The following MYO16 variants were observed in gnomAD, a reference collection of about 807,000 sequenced individuals.
The protein encoded by MYO16 is myosin XVI, also known as unconventional myosin-XVI.
In MYO16, 94 loss-of-function variants were observed where a neutral mutation model predicts 205.3. That is an observed-to-expected ratio of 0.46 (90% CI 0.39 to 0.54). The LOEUF (loss-of-function observed/expected upper bound fraction) is 0.54, where lower values mean the gene tolerates loss of function less well. Among genes scored for constraint, MYO16 ranks in the 20% least tolerant of loss-of-function variants. The probability of loss-of-function intolerance (pLI) is 0.00; values close to 1 mark genes in which losing one functional copy is unlikely to be tolerated. For synonymous variants in MYO16, 988 were observed against 954.0 expected, an observed-to-expected ratio of 1.04 and a Z score of -0.66; for missense variants, 2,315 against 2,387.5, an observed-to-expected ratio of 0.97 and a Z score of 0.63.
chr13:108,572,060 C>T, the MYO16 span, among the ~76,000 whole-genome samples: 1 of 151,870 alleles, frequency 6.6e-6, no homozygotes, highest in Admixed American at 6.6e-5. Context: ...GCTGGGACTA[C>T]AGGTGCATGC....
At chr13:109,053,507 C>T (rs1469941849) in intron 25 of MYO16, among the ~76,000 whole-genome samples, 5 of 151,822 alleles carry the variant, frequency 3.3e-5, no homozygotes, top group Admixed American at 3.3e-4. Context: ...CTTCCTGAAC[C>T]TTCTGGCCCC....
intron 28 of MYO16, among the ~76,000 whole-genome samples, chr13:109,111,849 G>A (rs993555331): frequency 2.0e-5 from 3 of 151,980 alleles, no homozygotes; most frequent in African/African-American, 4.8e-5. Flanking sequence ...ACCACGCCCG[G>A]CTAATTTTTT....
intron 32 of MYO16, among the ~76,000 whole-genome samples, chr13:109,144,707 T>G (rs1208351549): frequency 6.6e-6 from 1 of 152,252 alleles, no homozygotes; most frequent in East Asian, 1.9e-4. Context: ...AAAGTTCATT[T>G]TTTGTTCAAT....
the MYO16 span, among the ~76,000 whole-genome samples, chr13:108,588,782 G>A: frequency 4.6e-5 from 7 of 152,130 alleles, no homozygotes; most frequent in South Asian, 1.5e-3. Flanking sequence ...TTTTCCTCAG[G>A]TTGCATGATT....
At chr13:108,945,164 A>C (rs1882887087) in intron 16 of MYO16, among the ~76,000 whole-genome samples, 1 of 152,186 alleles carries the variant, frequency 6.6e-6, no homozygotes, top group South Asian at 2.1e-4. Context: ...AACATCTCTA[A>C]ATTAGAATAT....
At chr13:108,510,396 C>G in the MYO16 span, among the ~76,000 whole-genome samples, 11 of 140,282 alleles carry the variant, frequency 7.8e-5, no homozygotes, top group Non-Finnish European at 9.1e-5. Context: ...GGATTACAGG[C>G]GTGAGCCACC....
intron 31 of MYO16, among the ~76,000 whole-genome samples, chr13:109,128,768 G>GTTTTAGT (rs1232779988): frequency 0.013 from 1,551 of 115,030 alleles, 49 homozygotes; most frequent in African/African-American, 0.049. Context: ...CACTTTTTTA[G>GTTTTAGT]TTTTTTTTTT....
At chr13:109,149,858 A>G (rs564011706) in intron 32 of MYO16, among the ~76,000 whole-genome samples, 1 of 152,212 alleles carries the variant, frequency 6.6e-6, no homozygotes, top group African/African-American at 2.4e-5. Flanking sequence ...GTGTCTCCTC[A>G]CTTTCCGTTT....
At chr13:108,818,961 A>G (rs1329101055) in intron 7 of MYO16, among the ~76,000 whole-genome samples, 2 of 152,226 alleles carry the variant, frequency 1.3e-5, no homozygotes, top group African/African-American at 4.8e-5. Context: ...GCCTGGTAAT[A>G]AAGCTATTAA....
intron 6 of MYO16, among the ~76,000 whole-genome samples, chr13:108,803,353 A>G (rs1016334294): frequency 6.6e-6 from 1 of 152,226 alleles, no homozygotes; most frequent in African/African-American, 2.4e-5. Flanking sequence ...TATTAGAACT[A>G]TCTTTTATTT....
At position 108,688,036 on chromosome 13, in the gene MYO16, G is replaced by A. The variant is rs571877910; in HGVS notation, c.292+21887G>A. 8.5e-5 allele frequency among the ~76,000 whole-genome samples: 13 copies of A among 152,278 alleles called. No homozygotes were observed. The East Asian group carries it at 1.5e-3, about 18-fold the overall frequency. ...AGCAAAATAACTTTGAGTATCTGAA[G>A]CATTTGCCATGTAGAGTTTACTCTT... On this transcript the variant is annotated intron_variant, in intron 2 of 34. Transcript: ENST00000457511.
intron 2 of MYO16, among the ~76,000 whole-genome samples, chr13:108,708,565 C>T (rs891014772): frequency 1.3e-5 from 2 of 152,214 alleles, no homozygotes; most frequent in Non-Finnish European, 2.9e-5. Context: ...TTGTCCTTCC[C>T]TCTGTCTGGA....
chr13:108,832,827 G>T (rs1455968507), intron 9 of MYO16, among the ~76,000 whole-genome samples: 1 of 151,940 alleles, frequency 6.6e-6, no homozygotes, highest in Non-Finnish European at 1.5e-5. Context: ...AAAACATCAA[G>T]CCTTTTTAAT....
chr13:108,618,131 C>T (rs1308176312), intron 1 of MYO16, among the ~76,000 whole-genome samples: 1 of 152,164 alleles, frequency 6.6e-6, no homozygotes, highest in East Asian at 1.9e-4. Context: ...AAATAAGTTT[C>T]CTTGCTGTCC....
chr13:108,910,654 G>A (rs1881212471), intron 16 of MYO16, among the ~76,000 whole-genome samples: 1 of 152,190 alleles, frequency 6.6e-6, no homozygotes, highest in African/African-American at 2.4e-5. Context: ...GTGACAGGCT[G>A]TATAGACAGT....
intron 16 of MYO16, among the ~76,000 whole-genome samples, chr13:108,941,281 T>A (rs1472149636): frequency 6.6e-6 from 1 of 152,138 alleles, no homozygotes; most frequent in Non-Finnish European, 1.5e-5. Context: ...GGGAGTCAGT[T>A]TCAGGAGACA....
chr13:108,616,344 G>C (rs1879348681), intron 1 of MYO16, among the ~76,000 whole-genome samples: 1 of 152,164 alleles, frequency 6.6e-6, no homozygotes, highest in African/African-American at 2.4e-5. Flanking sequence ...AGAGCGAAAT[G>C]CAATGTTCTG....
At chr13:108,565,968 T>C in the MYO16 span, among the ~76,000 whole-genome samples, 1 of 152,134 alleles carries the variant, frequency 6.6e-6, no homozygotes, top group Admixed American at 6.5e-5. Flanking sequence ...TCAATATTTG[T>C]CAGAGATATT....
At chr13:108,882,475 A>G (rs142806225) in intron 12 of MYO16, among the ~76,000 whole-genome samples, 124 of 152,328 alleles carry the variant, frequency 8.1e-4, no homozygotes, top group Middle Eastern at 3.4e-3. Context: ...CACAACTAAG[A>G]AGTCTTCCTA....
Sources: allele counts gnomAD v4.1 joint callset (sites outside exome capture counted in the v4.1 genomes callset), GRCh38; gene constraint gnomAD v4.1.1; transcripts MANE v1.5; gene names NCBI Gene and HGNC (gene_info 2026-07-23, HGNC 2026-07-21).